Variants in SPAG16 observed in about 807,000 individuals in gnomAD.
The protein encoded by SPAG16 is sperm-associated antigen 16 protein.
SPAG16 carries 86 observed loss-of-function variants against 80.4 expected under a neutral mutation model. The ratio of observed to expected loss-of-function variants is 1.07; its 90% CI spans 0.90 to 1.28. SPAG16 has a LOEUF of 1.28. Ranked by LOEUF, SPAG16 falls within the 50% of genes most tolerant of loss-of-function variation. SPAG16 has a pLI of 0.00. For missense variants in SPAG16, 870 were observed against 765.3 expected, an observed-to-expected ratio of 1.14 and a Z score of -1.61; for synonymous variants, 294 against 265.9, an observed-to-expected ratio of 1.11 and a Z score of -1.03.
intron 11 of SPAG16, among the ~76,000 whole-genome samples, chr2:213,914,353 G>A (rs1185720051): frequency 6.6e-6 from 1 of 152,000 alleles, no homozygotes; most frequent in African/African-American, 2.4e-5. Flanking sequence ...AATCTTTGTG[G>A]CACCTGGCTC....
chr2:214,179,511 C>A (rs41435446), intron 15 of SPAG16, among the ~76,000 whole-genome samples: 38,857 of 151,128 alleles, frequency 0.26, 5,254 homozygotes, highest in Non-Finnish European at 0.31. Context: ...TGCTCCATGA[C>A]GTCAAAAACA....
intron 11 of SPAG16, among the ~76,000 whole-genome samples, chr2:213,881,532 C>T (rs193064177): frequency 6.6e-6 from 1 of 152,308 alleles, no homozygotes; most frequent in Non-Finnish European, 1.5e-5. Flanking sequence ...AATTGACTCA[C>T]AGTTCAGCAT....
intron 14 of SPAG16, among the ~76,000 whole-genome samples, chr2:214,145,821 C>T (rs980977029): frequency 5.3e-5 from 8 of 152,132 alleles, no homozygotes; most frequent in African/African-American, 9.7e-5. Context: ...ATAGAGTCAA[C>T]GTTGATTACT....
At chr2:214,161,721 C>A (rs182488925) in intron 15 of SPAG16, among the ~76,000 whole-genome samples, 16 of 152,058 alleles carry the variant, frequency 1.1e-4, no homozygotes, top group African/African-American at 2.9e-4. Context: ...AAATAGCTAA[C>A]CCACGCTGGG....
intron 10 of SPAG16, among the ~76,000 whole-genome samples, chr2:213,663,680 G>A (rs904671901): frequency 6.6e-6 from 1 of 152,042 alleles, no homozygotes; most frequent in African/African-American, 2.4e-5. Context: ...TGAGAAAAAT[G>A]CATTTTGAAT....
At chr2:213,643,784 T>G (rs2062716649) in intron 10 of SPAG16, among the ~76,000 whole-genome samples, 1 of 134,836 alleles carries the variant, frequency 7.4e-6, no homozygotes, top group Non-Finnish European at 1.6e-5. Context: ...TTTTTTTTTT[T>G]TTTTTTTTTT....
chr2:213,563,218 C>T (rs1346663330), intron 10 of SPAG16, among the ~76,000 whole-genome samples: 2 of 152,032 alleles, frequency 1.3e-5, no homozygotes, highest in African/African-American at 4.8e-5. Context: ...TTTCTGTGAA[C>T]TCTTAATATC....
chr2:213,691,039 A>G (rs1272223669), intron 10 of SPAG16, among the ~76,000 whole-genome samples: 1 of 152,128 alleles, frequency 6.6e-6, no homozygotes. Flanking sequence ...GTGACGGAGG[A>G]GCCCTGAAGG....
chr2:214,334,700 G>T (rs1389807228), intron 15 of SPAG16, among the ~76,000 whole-genome samples: 4 of 152,180 alleles, frequency 2.6e-5, no homozygotes, highest in Non-Finnish European at 5.9e-5. Flanking sequence ...ATTTCTCAAA[G>T]AACTGAGATA....
chr2:213,515,919 T>C (rs1055714928), intron 10 of SPAG16, among the ~76,000 whole-genome samples: 1 of 152,146 alleles, frequency 6.6e-6, no homozygotes, highest in Non-Finnish European at 1.5e-5. Flanking sequence ...GAAGTAGGAA[T>C]TGCTCAATGA....
intron 9 of SPAG16, among the ~76,000 whole-genome samples, chr2:213,390,225 G>A (rs1343547526): frequency 6.6e-6 from 1 of 152,108 alleles, no homozygotes; most frequent in Non-Finnish European, 1.5e-5. Flanking sequence ...TGTTAGGGCT[G>A]GGGGAGAGGG....
intron 15 of SPAG16, among the ~76,000 whole-genome samples, chr2:214,215,050 T>C (rs528341103): frequency 2.0e-5 from 3 of 152,066 alleles, no homozygotes; most frequent in Non-Finnish European, 4.4e-5. Context: ...GATGACAATA[T>C]TAAATTTTAT....
At chr2:213,576,913 C>CA (rs2060147175) in intron 10 of SPAG16, among the ~76,000 whole-genome samples, 1 of 151,892 alleles carries the variant, frequency 6.6e-6, no homozygotes, top group Admixed American at 6.6e-5. Flanking sequence ...ACGTGGGTGG[C>CA]AAAATAATCT....
At chr2:214,265,410 G>A (rs772576443) in intron 15 of SPAG16, among the ~76,000 whole-genome samples, 1 of 151,932 alleles carries the variant, frequency 6.6e-6, no homozygotes, top group Non-Finnish European at 1.5e-5. Flanking sequence ...CTTCTTTGAT[G>A]GTGTGTCTGT....
intron 10 of SPAG16, among the ~76,000 whole-genome samples, chr2:213,715,995 A>G (rs2066224160): frequency 6.6e-6 from 1 of 152,110 alleles, no homozygotes; most frequent in East Asian, 1.9e-4. Context: ...ATTATCAAGG[A>G]TTAATATTGC....
chr2:213,500,996 C>G (rs929824315), intron 10 of SPAG16, among the ~76,000 whole-genome samples: 2 of 152,096 alleles, frequency 1.3e-5, no homozygotes, highest in Non-Finnish European at 2.9e-5. Flanking sequence ...GGGTAGAGAC[C>G]GTTCCCAGAG....
chr2:213,728,023 A>G (rs1279692058), intron 10 of SPAG16, among the ~76,000 whole-genome samples: 1 of 151,762 alleles, frequency 6.6e-6, no homozygotes, highest in African/African-American at 2.4e-5. Flanking sequence ...TAATTTTTGT[A>G]TTTTTAGTGG....
At position 214,329,830 on chromosome 2, in the gene SPAG16, A is replaced by T. The variant is rs1696767668; in HGVS notation, c.1721-80310A>T. On this transcript the variant is annotated intron_variant, in intron 15 of 15. Transcript: ENST00000331683. Reference sequence around the variant, plus strand: ...ACCTGGAGAAATATCACAAGACTATAAAAAAATGCTTTTAGCAAAGGTGTC... The same window carrying T: ...ACCTGGAGAAATATCACAAGACTATTAAAAAATGCTTTTAGCAAAGGTGTC... Among the ~76,000 whole-genome samples the T allele has an allele frequency of 2.0e-5, 3 of 152,122 alleles. No individual in the cohort carries two copies. In the South Asian group the frequency reaches 6.2e-4, roughly 32 times the overall value.
intron 15 of SPAG16, among the ~76,000 whole-genome samples, chr2:214,193,043 A>T (rs2125700551): frequency 6.6e-6 from 1 of 152,176 alleles, no homozygotes; most frequent in South Asian, 2.1e-4. Context: ...CTGCTACATG[A>T]TCAGTACTAT....
Sources: gnomAD v4.1 joint callset for allele counts (sites outside exome capture counted in the v4.1 genomes callset) on GRCh38, gnomAD v4.1.1 for gene constraint, MANE v1.5 for transcripts, NCBI Gene and HGNC (gene_info 2026-07-23, HGNC 2026-07-21) for gene names.